The following TANC2 variants were observed in gnomAD, a reference collection of about 807,000 sequenced individuals.
The protein encoded by TANC2 is tetratricopeptide repeat, ankyrin repeat and coiled-coil containing 2.
Under a neutral mutation model 210.5 loss-of-function variants are expected in TANC2, and 26 were observed. The ratio of observed to expected loss-of-function variants is 0.12; its 90% CI spans 0.09 to 0.17. The LOEUF is 0.17. Among genes scored for constraint, TANC2 ranks in the 10% least tolerant of loss-of-function variants. TANC2 has a pLI of 1.00. For missense variants in TANC2, 2,129 were observed against 2,608.9 expected, an observed-to-expected ratio of 0.82 and a Z score of 4.01; for synonymous variants, 931 against 967.1, an observed-to-expected ratio of 0.96 and a Z score of 0.69.
Position 63,314,125 on chromosome 17 carries a change from A to G in TANC2, c.1160-263A>G, listed in dbSNP as rs551279852. On this transcript the variant is annotated intron_variant, in intron 9 of 27. Coordinates refer to ENST00000689528, the Ensembl canonical transcript of TANC2. Reference sequence around the variant, plus strand: ...CTTCCCTGTAATAATTTTGAATATCATCCCGACTTTCGGACTGATCAAGTA... The same window carrying G: ...CTTCCCTGTAATAATTTTGAATATCGTCCCGACTTTCGGACTGATCAAGTA... Among the ~76,000 whole-genome samples the G allele has an allele frequency of 3.9e-5, 6 of 152,348 alleles. 1 individual carries two copies. The East Asian group carries it at 7.7e-4, about 20-fold the overall frequency.
chr17:63,220,717 AAAAT>A (rs1567826616), intron 7 of TANC2, among the ~76,000 whole-genome samples: 1 of 135,922 alleles, frequency 7.4e-6, no homozygotes, highest in African/African-American at 2.8e-5. Flanking sequence ...AAAAAAAAAA[AAAAT>A]ATATATATAT....
chr17:63,021,518 G>A lies in TANC2; in HGVS notation c.67+11892G>A, dbSNP rs151107299. 2.9e-3 allele frequency among the ~76,000 whole-genome samples: 440 copies of A among 152,280 alleles called. 3 individuals carry two copies. The highest frequency in any genetic ancestry group is 9.6e-3 in the African/African-American group (397 of 41,542). ...TCTCTGCCATGAGTTGAAGCATCAC[G>A]AGGCCCTCAACAGATGGGCCACCTG... On this transcript the variant is annotated intron_variant, in intron 2 of 27. Coordinates refer to ENST00000689528, the Ensembl canonical transcript of TANC2.
chr17:63,064,275 G>C (rs551411710), intron 2 of TANC2, among the ~76,000 whole-genome samples: 1 of 152,170 alleles, frequency 6.6e-6, no homozygotes, highest in East Asian at 1.9e-4. Flanking sequence ...GAGCAACATA[G>C]TGAAACCCTG....
chr17:63,011,286 A>G (rs145457302), intron 2 of TANC2, among the ~76,000 whole-genome samples: 14 of 151,836 alleles, frequency 9.2e-5, no homozygotes, highest in African/African-American at 3.4e-4. Flanking sequence ...TTCTAGCTTA[A>G]TTATACTATT....
chr17:63,266,243 T>C (rs561136345), intron 8 of TANC2, among the ~76,000 whole-genome samples: 82 of 152,266 alleles, frequency 5.4e-4, no homozygotes, highest in African/African-American at 1.6e-3. Flanking sequence ...TAATAAAATA[T>C]TCTTTTGACT....
At chr17:63,099,834 T>G (rs2037557924) in intron 4 of TANC2, among the ~76,000 whole-genome samples, 1 of 152,190 alleles carries the variant, frequency 6.6e-6, no homozygotes, top group Admixed American at 6.6e-5. Flanking sequence ...GGACATTAAC[T>G]TCTTAGGATA....
chr17:62,999,688 A>G (rs1010583603), intron 1 of TANC2, among the ~76,000 whole-genome samples: 1 of 152,084 alleles, frequency 6.6e-6, no homozygotes, highest in Middle Eastern at 3.2e-3. Flanking sequence ...GGCCTAAGAT[A>G]ATTCTTCTTC....
At chr17:63,350,678 G>T (rs2046574110) in intron 12 of TANC2, among the ~76,000 whole-genome samples, 1 of 152,022 alleles carries the variant, frequency 6.6e-6, no homozygotes, top group Non-Finnish European at 1.5e-5. Context: ...TACGGTGTTG[G>T]GATCTAGCCA....
intron 7 of TANC2, among the ~76,000 whole-genome samples, chr17:63,207,691 C>G (rs555358491): frequency 6.6e-6 from 1 of 152,198 alleles, no homozygotes; most frequent in East Asian, 1.9e-4. Flanking sequence ...GCAAATAGTG[C>G]TGCTGTGATT....
At chr17:63,157,974 A>G (rs528887306) in intron 5 of TANC2, among the ~76,000 whole-genome samples, 4 of 152,304 alleles carry the variant, frequency 2.6e-5, no homozygotes, top group South Asian at 4.1e-4. Flanking sequence ...AGGTAAAGTT[A>G]TATCTTTTTT....
At chr17:63,006,793 A>T (rs2033643454) in intron 1 of TANC2, among the ~76,000 whole-genome samples, 1 of 151,898 alleles carries the variant, frequency 6.6e-6, no homozygotes, top group East Asian at 1.9e-4. Flanking sequence ...TTTTTTTTTA[A>T]ATCTACTTGA....
chr17:63,181,289 C>G (rs2040775269), intron 5 of TANC2, among the ~76,000 whole-genome samples: 1 of 152,110 alleles, frequency 6.6e-6, no homozygotes, highest in Admixed American at 6.6e-5. Context: ...GGGCTTCTGT[C>G]CTCTTGCTGT....
At chr17:63,095,017 T>C (rs1288112993) in intron 3 of TANC2, among the ~76,000 whole-genome samples, 3 of 146,344 alleles carry the variant, frequency 2.0e-5, no homozygotes, top group Non-Finnish European at 4.4e-5. Flanking sequence ...TTTTTTTAAC[T>C]TCATGTTATA....
At chr17:63,014,484 T>C (rs1429227229) in intron 2 of TANC2, among the ~76,000 whole-genome samples, 2 of 152,196 alleles carry the variant, frequency 1.3e-5, no homozygotes, top group Non-Finnish European at 2.9e-5. Flanking sequence ...TAATGTGTTA[T>C]CTCTGGAAAT....
At chr17:63,210,141 A>G (rs1438881387) in intron 7 of TANC2, among the ~76,000 whole-genome samples, 2 of 152,218 alleles carry the variant, frequency 1.3e-5, no homozygotes, top group Non-Finnish European at 2.9e-5. Flanking sequence ...TGTTAGCCTT[A>G]TAAAATAGGT....
At chr17:63,245,251 A>G (rs1450043002) in intron 8 of TANC2, among the ~76,000 whole-genome samples, 3 of 152,200 alleles carry the variant, frequency 2.0e-5, no homozygotes, top group East Asian at 1.9e-4. Context: ...ATAAGTTAGT[A>G]TGAATTTATT....
chr17:63,085,594 A>C (rs2036930743), intron 3 of TANC2, among the ~76,000 whole-genome samples: 2 of 152,150 alleles, frequency 1.3e-5, no homozygotes, highest in Non-Finnish European at 2.9e-5. Flanking sequence ...GTGTAATAAC[A>C]AAATATCCCT....
At chr17:63,413,687 A>G in intron 25 of TANC2, 53 bp downstream of exon 25, 1 of 1,455,972 alleles carries the variant, frequency 6.9e-7, no homozygotes, top group Non-Finnish European at 9.4e-7. Context: ...ACTGTTTTCC[A>G]TGTGTAGAAT....
At chr17:63,369,999 C>A (rs1008672959) in intron 14 of TANC2, among the ~76,000 whole-genome samples, 1 of 152,066 alleles carries the variant, frequency 6.6e-6, no homozygotes, top group African/African-American at 2.4e-5. Flanking sequence ...CCACATACAC[C>A]CTGCTCTCTC....
Sources: allele counts gnomAD v4.1 joint callset (sites outside exome capture counted in the v4.1 genomes callset), GRCh38; gene constraint gnomAD v4.1.1; transcripts MANE v1.5; gene names NCBI Gene and HGNC (gene_info 2026-07-23, HGNC 2026-07-21).